GABRA3: variants seen among roughly 807,000 people sequenced by gnomAD.
The protein encoded by GABRA3 is gamma-aminobutyric acid type A receptor subunit alpha3, also known as gamma-aminobutyric acid receptor subunit alpha-3.
In GABRA3, 10 loss-of-function variants were observed where a neutral mutation model predicts 30.1. That is an observed-to-expected ratio of 0.33 (90% CI 0.20 to 0.56). The LOEUF (loss-of-function observed/expected upper bound fraction) is 0.56, where lower values mean the gene tolerates loss of function less well. Among genes scored for constraint, GABRA3 ranks in the 20% least tolerant of loss-of-function variants. The pLI is 0.89. For synonymous variants in GABRA3, 151 were observed against 146.8 expected (o/e 1.03, Z -0.21); for missense variants, 233 against 392.0 (o/e 0.59, Z 3.42).
intron 1 of GABRA3, among the ~76,000 whole-genome samples, chrX:152,447,755 A>AT (rs1265232908): frequency 8.9e-6 from 1 of 112,467 alleles, no homozygotes; most frequent in African/African-American, 3.2e-5. Flanking sequence ...TAAAGGAGAT[A>AT]TTTAACTGTA....
At chrX:152,344,504 A>T (rs768851567) in intron 3 of GABRA3, among the ~76,000 whole-genome samples, 8 of 112,005 alleles carry the variant, frequency 7.1e-5, no homozygotes, top group Non-Finnish European at 1.3e-4. Flanking sequence ...TCTCACAGGG[A>T]TAATCTATAG....
intron 4 of GABRA3, among the ~76,000 whole-genome samples, chrX:152,266,776 G>C (rs947598460): frequency 1.8e-5 from 2 of 110,186 alleles, no homozygotes; most frequent in Non-Finnish European, 3.8e-5. Context: ...TTTTTTATTT[G>C]TTTACACTGC....
At chrX:152,418,843 T>C (rs1306307969) in intron 1 of GABRA3, among the ~76,000 whole-genome samples, 1 of 111,535 alleles carries the variant, frequency 9.0e-6, no homozygotes, top group East Asian at 2.8e-4. Context: ...CATGCACACG[T>C]ATGTTTATTG....
chrX:152,376,300 G>T (rs1397467868), intron 1 of GABRA3, among the ~76,000 whole-genome samples: 2 of 109,973 alleles, frequency 1.8e-5, no homozygotes, highest in South Asian at 7.8e-4. Context: ...TTTTTTCTGG[G>T]AACACTTCCC....
chrX:152,323,365 T>C (rs1940001360), intron 3 of GABRA3, among the ~76,000 whole-genome samples: 1 of 111,795 alleles, frequency 8.9e-6, no homozygotes, highest in African/African-American at 3.3e-5. Flanking sequence ...CACCCTGGAC[T>C]GGAATTCAAG....
chrX:152,372,173 A>AT (rs1569411029), intron 1 of GABRA3, among the ~76,000 whole-genome samples: 2 of 110,435 alleles, frequency 1.8e-5, no homozygotes, highest in African/African-American at 6.6e-5. Context: ...TTAGAAAAAA[A>AT]AATATATATA....
At chrX:152,306,005 A>C (rs1053701776) in intron 3 of GABRA3, among the ~76,000 whole-genome samples, 2 of 112,107 alleles carry the variant, frequency 1.8e-5, no homozygotes, top group Admixed American at 9.5e-5. Context: ...ATAAATATTA[A>C]TTGTAAGTGT....
intron 3 of GABRA3, among the ~76,000 whole-genome samples, chrX:152,336,503 T>C (rs981124927): frequency 1.8e-5 from 2 of 112,229 alleles, no homozygotes; most frequent in Non-Finnish European, 3.8e-5. Context: ...TAAGTTTAAA[T>C]GTATAATTTG....
At chrX:152,276,629 A>G (rs1486883534) in intron 4 of GABRA3, among the ~76,000 whole-genome samples, 2 of 112,335 alleles carry the variant, frequency 1.8e-5, no homozygotes, top group Non-Finnish European at 3.8e-5. Flanking sequence ...CACATTAACA[A>G]GAGAATGGAT....
intron 1 of GABRA3, among the ~76,000 whole-genome samples, chrX:152,410,137 T>A (rs1930033354): frequency 8.9e-6 from 1 of 111,972 alleles, no homozygotes. Flanking sequence ...ACTTTGCATG[T>A]TCTCACTCAT....
At chrX:152,444,888 C>T (rs1341235116) in intron 1 of GABRA3, among the ~76,000 whole-genome samples, 3 of 93,690 alleles carry the variant, frequency 3.2e-5, no homozygotes, top group African/African-American at 7.7e-5. Flanking sequence ...GGTGAAACCC[C>T]GTCTCTACTA....
At position 152,328,218 on chromosome X, in the gene GABRA3, A is replaced by G. The variant is rs1255619085; in HGVS notation, c.262+17363T>C. On this transcript the variant is annotated intron_variant, in intron 3 of 9. Coordinates refer to ENST00000370314, the MANE Select transcript of GABRA3 (RefSeq NM_000808.4). ...TGAGGCAATAATTAATAGCCTACCA[A>G]CGAAAAAAAGTCCAGGACCAGACGG... Among the ~76,000 whole-genome samples the G allele has an allele frequency of 2.7e-5, 3 of 111,646 alleles. No homozygotes were observed. The Admixed American group carries it at 2.8e-4, about 11-fold the overall frequency.
At chrX:152,449,911 G>A (rs1931180247) in intron 1 of GABRA3, among the ~76,000 whole-genome samples, 1 of 111,787 alleles carries the variant, frequency 8.9e-6, no homozygotes, top group African/African-American at 3.3e-5. Flanking sequence ...GCACTATTCT[G>A]CTACAGTAAT....
intron 9 of GABRA3, among the ~76,000 whole-genome samples, chrX:152,182,556 T>C (rs1436860339): frequency 2.0e-5 from 1 of 49,139 alleles, no homozygotes; most frequent in African/African-American, 6.7e-5. Context: ...ATATATACAC[T>C]ATATATATAC....
chrX:152,237,683 G>T (rs202021255), intron 5 of GABRA3, among the ~76,000 whole-genome samples: 1 of 103,613 alleles, frequency 9.7e-6, no homozygotes, highest in African/African-American at 3.7e-5. Flanking sequence ...AGTGGTTTGT[G>T]GTTCTCCTTG....
chrX:152,402,510 T>C (rs1929820652), intron 1 of GABRA3, among the ~76,000 whole-genome samples: 1 of 111,814 alleles, frequency 8.9e-6, no homozygotes, highest in Admixed American at 9.6e-5. Flanking sequence ...TTGGTCAAAC[T>C]AGATGATGAC....
chrX:152,362,940 G>C (rs1928551021), intron 2 of GABRA3, among the ~76,000 whole-genome samples: 1 of 111,880 alleles, frequency 8.9e-6, no homozygotes. Flanking sequence ...GGGAGATGAA[G>C]CTAATTAAAT....
At chrX:152,226,523 T>C (rs894219263) in intron 5 of GABRA3, among the ~76,000 whole-genome samples, 2 of 111,092 alleles carry the variant, frequency 1.8e-5, no homozygotes, top group African/African-American at 3.3e-5. Context: ...AAAGCCAAAA[T>C]TGAAAAATGG....
At chrX:152,438,857 T>C (rs2124550282) in intron 1 of GABRA3, among the ~76,000 whole-genome samples, 1 of 111,199 alleles carries the variant, frequency 9.0e-6, no homozygotes, top group East Asian at 2.8e-4. Flanking sequence ...AGGAGATTTT[T>C]TAGGGCAGAG....
Sources: allele counts gnomAD v4.1 joint callset (sites outside exome capture counted in the v4.1 genomes callset), GRCh38; gene constraint gnomAD v4.1.1; transcripts MANE v1.5; gene names NCBI Gene and HGNC (gene_info 2026-07-23, HGNC 2026-07-21).